PNPLA6: variants seen among roughly 807,000 people sequenced by gnomAD.
PNPLA6 encodes the protein patatin-like phospholipase domain-containing protein 6.
In PNPLA6, 105 loss-of-function variants were observed where a neutral mutation model predicts 153.7. The observed-to-expected ratio is 0.68, with a 90% CI of 0.58 to 0.80. The LOEUF is 0.80. PNPLA6 is among the 30% of genes least tolerant of loss of function. The probability of loss-of-function intolerance (pLI) is 0.00; values close to 1 mark genes in which losing one functional copy is unlikely to be tolerated. For synonymous variants in PNPLA6, 825 were observed against 822.2 expected, an observed-to-expected ratio of 1.00 and a Z score of -0.06; for missense variants, 1,423 against 1,919.3, an observed-to-expected ratio of 0.74 and a Z score of 4.83.
intron 27 of PNPLA6, 48 bp from the exon 28 acceptor site, chr19:7,558,802 C>A (rs757279966): frequency 1.4e-6 from 2 of 1,434,826 alleles, no homozygotes; most frequent in South Asian, 2.4e-5. Flanking sequence ...AACATCTCTG[C>A]CCCGGGCCCC....
At chr19:7,556,962 G>A (rs563474232) in intron 26 of PNPLA6, 54 of 698,968 alleles carry the variant, frequency 7.7e-5, no homozygotes, top group Admixed American at 1.6e-4. Flanking sequence ...CGCCATCCCC[G>A]CAGGCTGTGT....
Position 7,535,957 on chromosome 19 carries a change from G to A in PNPLA6, c.169G>A (p.Gly57Arg). The change falls in exon 1 of 32, where the codon GGA becomes AGA. Residue 57 changes from glycine (G) to arginine (R), a missense_variant. This residue lies in a region of PNPLA6 where 109 missense variants were observed against 109.4 expected (regional missense o/e 1.00). Transcript: ENST00000600737. The surrounding 1 kb of genome is among the most constrained non-coding windows in gnomAD (Gnocchi z 5.0). ...PQVLGVMIGA[G>R]VAVVVTAVLI... ...GGTGCTTGGCGTGATGATCGGGGCCGGAGTGGCGGTGGTGGTCACGGCCGT... is the reference window on the plus strand; with the variant it reads ...GGTGCTTGGCGTGATGATCGGGGCCAGAGTGGCGGTGGTGGTCACGGCCGT... 1 of 1,584,736 alleles carries A rather than the reference G, an allele frequency of 6.3e-7. No homozygotes were observed. The highest frequency in any genetic ancestry group is 1.8e-5 in the Admixed American group (1 of 55,726).
chr19:7,543,589 G>A (rs2023252815), intron 13 of PNPLA6, among the ~76,000 whole-genome samples: 1 of 152,134 alleles, frequency 6.6e-6, no homozygotes, highest in Non-Finnish European at 1.5e-5. Flanking sequence ...TCCATATGGG[G>A]AAACTGAGGC....
At chr19:7,549,115 T>A (rs1599291333) in intron 13 of PNPLA6, among the ~76,000 whole-genome samples, 1 of 151,090 alleles carries the variant, frequency 6.6e-6, no homozygotes, top group Admixed American at 6.6e-5. Context: ...AAAATATTTT[T>A]ATATTTATTT....
At chr19:7,534,255 CGTTAGCCT>C (rs2022738272), upstream of PNPLA6, 1 of 300,668 alleles carries the variant, frequency 3.3e-6, no homozygotes, top group South Asian at 3.1e-5. Context: ...TCTGGGTTTC[CGTTAGCCT>C]CGCAGGGGTG....
intron 13 of PNPLA6, among the ~76,000 whole-genome samples, chr19:7,544,181 A>G (rs1243558521): frequency 7.6e-6 from 1 of 131,924 alleles, no homozygotes; most frequent in Non-Finnish European, 1.6e-5. Flanking sequence ...GCACAATCTC[A>G]GCTCACTGCA....
At chr19:7,557,505 C>G (rs1254022735) in intron 27 of PNPLA6, 2 of 596,652 alleles carry the variant, frequency 3.4e-6, no homozygotes, top group Non-Finnish European at 6.2e-6. Context: ...ACATTCTGGC[C>G]AGGCGCGGTG....
rs930784966 is a variant in PNPLA6, at chr19:7,551,290, TAGG to T, written c.2185-68_2185-66del. The T allele has an allele frequency of 3.0e-5, 44 of 1,461,926 alleles. 1 individual carries two copies. The highest frequency in any genetic ancestry group is 3.8e-5 in the Non-Finnish European group (40 of 1,043,250). 90.6% of individuals were successfully genotyped at this position (1,461,926 alleles called of 1,614,324 possible). On this transcript the variant is annotated intron_variant, in intron 17 of 31. Transcript: ENST00000600737. The stretch of plus-strand genomic sequence containing the variant: ...TAACGGGCACCCAGGAGCCCCGGCA[TAGG>T]AGGGAGAGGTGGGACCTGGACAGCC...
chr19:7,556,889 C>A (rs912080154), intron 26 of PNPLA6, 165 bp downstream of exon 26: 1 of 703,192 alleles, frequency 1.4e-6, no homozygotes, highest in African/African-American at 1.7e-5. Context: ...CCCGGAGACC[C>A]CAGGTACGTC....
rs2146124636 is a variant in PNPLA6 at position 7,561,513 on chromosome 19, A to G, written c.4049A>G (p.Gln1350Arg). 9.3e-6 allele frequency: 15 copies of G among 1,609,256 alleles called. No individual in the cohort carries two copies. The highest frequency in any genetic ancestry group is 1.3e-5 in the Non-Finnish European group (15 of 1,178,504). The change falls in exon 32 of 32, where the codon CAA becomes CGA. Residue 1350 changes from glutamine (Q) to arginine (R), a missense_variant. This residue lies in a region of PNPLA6 where 643 missense variants were observed against 835.2 expected (regional missense o/e 0.77). Coordinates refer to ENST00000600737, the MANE Select transcript of PNPLA6 (RefSeq NM_001166114.2). Reference sequence around the variant, plus strand: ...GAGGAGGAGAAGTCGATTCTCCGGCAACGACGCTGTCTGCCCCAGGAGCCG... The same window carrying G: ...GAGGAGGAGAAGTCGATTCTCCGGCGACGACGCTGTCTGCCCCAGGAGCCG... ...EMEEEKSILRQRRCLPQEPPG... is the reference protein window; with the variant it reads ...EMEEEKSILRRRRCLPQEPPG...
At chr19:7,539,344 T>G (rs2146047305) in intron 3 of PNPLA6, among the ~76,000 whole-genome samples, 1 of 151,754 alleles carries the variant, frequency 6.6e-6, no homozygotes, top group South Asian at 2.1e-4. Flanking sequence ...CTGGGCGTGG[T>G]GGCACCCACC....
At chr19:7,556,748 A>C in intron 26 of PNPLA6, 24 bp downstream of exon 26, 1 of 1,575,962 alleles carries the variant, frequency 6.3e-7, no homozygotes, top group South Asian at 1.1e-5. Context: ...CCCAGCCTGC[A>C]GCAACCGCTG....
chr19:7,558,280 G>A (rs560699334), intron 27 of PNPLA6, among the ~76,000 whole-genome samples: 1 of 152,326 alleles, frequency 6.6e-6, no homozygotes, highest in Non-Finnish European at 1.5e-5. Flanking sequence ...TTGTAGGCCA[G>A]GGGTGGGCAA....
At chr19:7,544,569 AG>A (rs2023302678) in intron 13 of PNPLA6, among the ~76,000 whole-genome samples, 1 of 152,074 alleles carries the variant, frequency 6.6e-6, no homozygotes, top group Non-Finnish European at 1.5e-5. Flanking sequence ...GTGGTCAGGG[AG>A]GGTGTTTAGC....
chr19:7,547,246 C>T (rs1277104568), intron 13 of PNPLA6, among the ~76,000 whole-genome samples: 1 of 152,052 alleles, frequency 6.6e-6, no homozygotes, highest in Non-Finnish European at 1.5e-5. Flanking sequence ...TTGTTTGTTT[C>T]TTTGCTAGAC....
Position 7,561,610 on chromosome 19 carries a change from G to T in PNPLA6, c.*48G>T. 6 of 1,381,252 alleles carry T rather than the reference G, an allele frequency of 4.3e-6. No homozygotes were observed. Among genetic ancestry groups the T allele is most frequent in the Non-Finnish European group, 6.0e-6 (6 of 1,001,288 alleles). The allele number at this position is 1,381,252 out of a possible 1,614,324, so 85.6% of individuals were successfully genotyped here. A position where few individuals can be genotyped will look rare whatever the true frequency, so the allele number is the denominator to read the frequency against. On this transcript the variant is annotated 3_prime_UTR_variant, in exon 32 of 32. Transcript: ENST00000600737. ...CTCCCTCCCACCCCTGGACTGGGCT[G>T]GGGGTGGCCCCGTGGGGGTAGCTCA...
At chr19:7,560,186 AT>A (rs1230887920) in intron 28 of PNPLA6, among the ~76,000 whole-genome samples, 1 of 152,226 alleles carries the variant, frequency 6.6e-6, no homozygotes, top group South Asian at 2.1e-4. Flanking sequence ...AATAATAAAA[AT>A]TTTTTTAAAA....
intron 3 of PNPLA6, 31 bp downstream of exon 3, chr19:7,536,577 A>C (rs1299810272): frequency 2.8e-6 from 4 of 1,432,502 alleles, no homozygotes; most frequent in East Asian, 4.5e-5. Flanking sequence ...ACCTGGTATT[A>C]GGGGTTATCT....
At chr19:7,549,861 C>A (rs775838518) in intron 13 of PNPLA6, 46 bp from the exon 14 acceptor site, 14 of 1,576,800 alleles carry the variant, frequency 8.9e-6, no homozygotes, top group Non-Finnish European at 1.2e-5. Flanking sequence ...GAGCTGGGGT[C>A]CACGCTGTCC....
Sources: allele counts gnomAD v4.1 joint callset (sites outside exome capture counted in the v4.1 genomes callset), GRCh38; gene constraint gnomAD v4.1.1; regional missense constraint gnomAD v4.1.1; non-coding constraint Gnocchi (gnomAD v3.1); transcripts MANE v1.5; gene names NCBI Gene and HGNC (gene_info 2026-07-23, HGNC 2026-07-21).